The following MALRD1 variants were observed in gnomAD, a reference collection of about 807,000 sequenced individuals.
MALRD1 encodes MAM and LDL-receptor class A domain-containing protein 1.
In MALRD1, 247 loss-of-function variants were observed where a neutral mutation model predicts 242.1. The observed-to-expected ratio is 1.02, with a 90% CI of 0.92 to 1.13. The LOEUF (loss-of-function observed/expected upper bound fraction) is 1.13, where lower values mean the gene tolerates loss of function less well. MALRD1 is among the 50% of genes most tolerant of loss of function. MALRD1 has a pLI of 0.00. For synonymous variants in MALRD1, 995 were observed against 866.6 expected, an observed-to-expected ratio of 1.15 and a Z score of -2.60; for missense variants, 2,989 against 2,533.1, an observed-to-expected ratio of 1.18 and a Z score of -3.86.
chr10:19,351,384 T>G (rs1047372636), intron 25 of MALRD1, among the ~76,000 whole-genome samples: 1 of 152,174 alleles, frequency 6.6e-6, no homozygotes, highest in African/African-American at 2.4e-5. Flanking sequence ...GAAAATACTT[T>G]TTATTAATTT....
At chr10:19,565,158 G>T (rs980053838) in intron 32 of MALRD1, among the ~76,000 whole-genome samples, 4 of 152,126 alleles carry the variant, frequency 2.6e-5, no homozygotes, top group African/African-American at 9.7e-5. Context: ...AAATAATGGG[G>T]TAAGATGTGT....
intron 38 of MALRD1, among the ~76,000 whole-genome samples, chr10:19,702,758 A>G (rs1414316687): frequency 6.6e-6 from 1 of 152,020 alleles, no homozygotes; most frequent in Non-Finnish European, 1.5e-5. Context: ...AACGTGGCTC[A>G]CCTTGAAAAT....
chr10:19,376,535 A>G (rs1845604603), intron 26 of MALRD1, among the ~76,000 whole-genome samples: 2 of 139,336 alleles, frequency 1.4e-5, no homozygotes, highest in South Asian at 4.8e-4. Flanking sequence ...CAAGGAGTTG[A>G]TACATTCTTT....
At chr10:19,103,732 A>G (rs1238466269) in intron 4 of MALRD1, among the ~76,000 whole-genome samples, 1 of 152,078 alleles carries the variant, frequency 6.6e-6, no homozygotes, top group Non-Finnish European at 1.5e-5. Context: ...CTAGGTGAGT[A>G]TTGCTGCATT....
intron 28 of MALRD1, among the ~76,000 whole-genome samples, chr10:19,449,641 C>T (rs915297333): frequency 1.3e-5 from 2 of 151,990 alleles, no homozygotes; most frequent in African/African-American, 4.8e-5. Flanking sequence ...CAATTTGGGG[C>T]ATATATACAG....
chr10:19,315,547 A>ATTT (rs1842644736), intron 21 of MALRD1, among the ~76,000 whole-genome samples: 2 of 44,426 alleles, frequency 4.5e-5, no homozygotes, highest in Non-Finnish European at 8.2e-5. Flanking sequence ...AATATATAAA[A>ATTT]ATATAAATAT....
chr10:19,731,716 A>G (rs1835304282), intron 39 of MALRD1, among the ~76,000 whole-genome samples: 1 of 152,184 alleles, frequency 6.6e-6, no homozygotes, highest in South Asian at 2.1e-4. Context: ...ATCTGGATAT[A>G]AAGTAAGTTT....
intron 29 of MALRD1, among the ~76,000 whole-genome samples, chr10:19,482,676 CACACACACACACACAT>C (rs1226472997): frequency 6.6e-6 from 1 of 151,592 alleles, no homozygotes; most frequent in African/African-American, 2.4e-5. Flanking sequence ...CACACACACA[CACACACACACACACAT>C]ACACACAAAG....
Position 19,576,127 on chromosome 10 carries a change from T to C in MALRD1, c.5680+8424T>C, listed in dbSNP as rs537080631. 4.6e-5 allele frequency among the ~76,000 whole-genome samples: 7 copies of C among 152,250 alleles called. No individual in the cohort carries two copies. The East Asian group carries it at 7.7e-4, about 17-fold the overall frequency. On this transcript the variant is annotated intron_variant, in intron 33 of 39. Transcript: ENST00000454679. ...GGACATGAGCAGGAAGCAAGTGAGG[T>C]TGACAACATTCAAGGGTAAGACTGG...
At chr10:19,489,722 A>T (rs16918856) in intron 29 of MALRD1, among the ~76,000 whole-genome samples, 1 of 152,190 alleles carries the variant, frequency 6.6e-6, no homozygotes, top group Non-Finnish European at 1.5e-5. Flanking sequence ...CTATAATACA[A>T]AGCATATTCA....
intron 14 of MALRD1, among the ~76,000 whole-genome samples, chr10:19,193,648 A>G (rs2884432): frequency 0.43 from 65,514 of 152,060 alleles, 14,549 homozygotes; most frequent in Admixed American, 0.5. Flanking sequence ...TGTAAAAATG[A>G]GTAGCGTTAA....
chr10:19,193,845 T>A (rs1054392778), intron 14 of MALRD1, among the ~76,000 whole-genome samples: 5 of 150,814 alleles, frequency 3.3e-5, no homozygotes, highest in African/African-American at 1.2e-4. Flanking sequence ...AAAAAAAATA[T>A]ATATATATAT....
chr10:19,671,109 C>T (rs1841901146), intron 36 of MALRD1, among the ~76,000 whole-genome samples: 1 of 151,814 alleles, frequency 6.6e-6, no homozygotes, highest in Admixed American at 6.6e-5. Context: ...CAGGATAAGA[C>T]AATGATTTTC....
At chr10:19,106,475 A>G (rs1422935222) in intron 5 of MALRD1, among the ~76,000 whole-genome samples, 1 of 151,854 alleles carries the variant, frequency 6.6e-6, no homozygotes, top group African/African-American at 2.4e-5. Flanking sequence ...CTGTGCAACC[A>G]GTCATAATAG....
In MALRD1 at chr10:19,136,715, A is replaced by G; in HGVS notation, c.1345A>G (p.Lys449Glu). Residue 449 changes from lysine (K) to glutamate (E), a missense_variant, in exon 10 of 40, where the codon AAA (lysine) becomes GAA (glutamate). Coordinates refer to ENST00000454679, the MANE Select transcript of MALRD1 (RefSeq NM_001142308.3). ...TTGCACTAGTGGCCAGTGCATCGCC[A>G]AAGAATCTGTCTGTGACTCTCGGCA... The part of the protein sequence containing the change: ...FPCTSGQCIA[K>E]ESVCDSRQDC... 1 of 1,231,686 alleles carries G rather than the reference A, an allele frequency of 8.1e-7. No individual in the cohort carries two copies. The highest frequency in any genetic ancestry group is 4.1e-5 in the South Asian group (1 of 24,306). The allele number at this position is 1,231,686 out of a possible 1,614,324, so 76.3% of individuals were successfully genotyped here.
chr10:19,603,949 G>A (rs1185334312), intron 34 of MALRD1, among the ~76,000 whole-genome samples: 2 of 152,020 alleles, frequency 1.3e-5, no homozygotes, highest in African/African-American at 4.8e-5. Context: ...CCTCTCCTTG[G>A]GTCTCCCCAT....
intron 5 of MALRD1, among the ~76,000 whole-genome samples, chr10:19,106,089 T>C (rs1836452181): frequency 6.6e-6 from 1 of 151,850 alleles, no homozygotes; most frequent in Admixed American, 6.6e-5. Context: ...TTTTACATAT[T>C]TATGGGGTAC....
intron 19 of MALRD1, among the ~76,000 whole-genome samples, chr10:19,277,577 C>A (rs1840591757): frequency 6.6e-6 from 1 of 152,148 alleles, no homozygotes; most frequent in Non-Finnish European, 1.5e-5. Context: ...CTGGTCAACT[C>A]TCCTTGCTAT....
At chr10:19,638,389 C>T (rs965184976) in intron 36 of MALRD1, among the ~76,000 whole-genome samples, 1 of 152,012 alleles carries the variant, frequency 6.6e-6, no homozygotes, top group African/African-American at 2.4e-5. Flanking sequence ...GACAGACACT[C>T]TATTAGTCAT....
Sources: allele counts gnomAD v4.1 joint callset (sites outside exome capture counted in the v4.1 genomes callset), GRCh38; gene constraint gnomAD v4.1.1; transcripts MANE v1.5; gene names NCBI Gene and HGNC (gene_info 2026-07-23, HGNC 2026-07-21).